The following MID1 variants were observed in gnomAD, a reference collection of about 807,000 sequenced individuals.
The protein encoded by MID1 is midline 1.
MID1 carries 7 observed loss-of-function variants against 40.4 expected under a neutral mutation model. The ratio of observed to expected loss-of-function variants is 0.17; its 90% confidence interval spans 0.10 to 0.33. The LOEUF (loss-of-function observed/expected upper bound fraction) is 0.33. Among genes scored for constraint, MID1 ranks in the 10% least tolerant of loss-of-function variants. MID1 has a pLI of 1.00. For missense variants in MID1, 367 were observed against 558.5 expected (o/e 0.66, Z 3.46); for synonymous variants, 229 against 221.2 (o/e 1.04, Z -0.31).
At chrX:10,555,239 A>G (rs1485734368) in intron 2 of MID1, among the ~76,000 whole-genome samples, 1 of 112,109 alleles carries the variant, frequency 8.9e-6, no homozygotes, top group African/African-American at 3.2e-5. Flanking sequence ...TGGAGTCTTC[A>G]TATTTTGCCC....
intron 7 of MID1, among the ~76,000 whole-genome samples, chrX:10,461,789 G>C (rs1312389461): frequency 8.9e-6 from 1 of 112,347 alleles, no homozygotes; most frequent in Non-Finnish European, 1.9e-5. Flanking sequence ...AGATTCAAAT[G>C]AGAATCGTAT....
In MID1 at chrX:10,447,224, G is replaced by A. The variant is rs1170241772; in HGVS notation, c.*2144C>T. On this transcript the variant is annotated 3_prime_UTR_variant, in exon 10 of 10. Transcript: ENST00000317552. Reference sequence around the variant, plus strand: ...AAAAATAGCCAAACATACCCTAAATGGCTTACTGTGAAAATTTGAGTAGTA... The same window carrying A: ...AAAAATAGCCAAACATACCCTAAATAGCTTACTGTGAAAATTTGAGTAGTA... 2 of 111,165 alleles carry A rather than the reference G, an allele frequency of 1.8e-5. No homozygotes were observed. The highest frequency in any genetic ancestry group is 1.9e-5 in the Non-Finnish European group (1 of 53,033). 9.2% of individuals were successfully genotyped at this position (111,165 alleles called of 1,213,427 possible). A position where few individuals can be genotyped will look rare whatever the true frequency, so the allele number is the denominator to read the frequency against.
At chrX:10,675,452 T>C (rs2043016500) in intron 1 of MID1, among the ~76,000 whole-genome samples, 1 of 111,026 alleles carries the variant, frequency 9.0e-6, no homozygotes, top group Non-Finnish European at 1.9e-5. Flanking sequence ...GAGGAAAGGC[T>C]TCTGGACTTG....
chrX:10,792,297 G>A (rs767203268), intron 1 of MID1, among the ~76,000 whole-genome samples: 1 of 111,175 alleles, frequency 9.0e-6, no homozygotes, highest in East Asian at 2.8e-4. Flanking sequence ...CTAGAAAGAA[G>A]GAAAGGAAAA....
At chrX:10,611,646 T>G (rs991713665) in intron 1 of MID1, among the ~76,000 whole-genome samples, 3 of 111,541 alleles carry the variant, frequency 2.7e-5, no homozygotes, top group African/African-American at 9.8e-5. Flanking sequence ...TAGCTCCGGA[T>G]CAAGGAGAAA....
At chrX:10,473,481 A>G (rs1419985643) in intron 6 of MID1, among the ~76,000 whole-genome samples, 1 of 112,152 alleles carries the variant, frequency 8.9e-6, no homozygotes, top group African/African-American at 3.2e-5. Flanking sequence ...GGTCCTCGCA[A>G]AGAAAAAATG....
intron 1 of MID1, among the ~76,000 whole-genome samples, chrX:10,661,556 A>C (rs1401137614): frequency 1.8e-5 from 2 of 109,961 alleles, no homozygotes; most frequent in Non-Finnish European, 3.8e-5. Context: ...CTCGTGATCC[A>C]CCCACTTCGG....
intron 3 of MID1, among the ~76,000 whole-genome samples, chrX:10,500,610 G>A (rs1044006620): frequency 1.1e-4 from 12 of 112,134 alleles, no homozygotes; most frequent in African/African-American, 3.9e-4. Context: ...AAGAATTAAC[G>A]ATTTGATTGG....
intron 8 of MID1, 71 bp downstream of exon 8, chrX:10,459,575 A>G: frequency 9.0e-7 from 1 of 1,106,407 alleles, no homozygotes; most frequent in Non-Finnish European, 1.2e-6. Context: ...AAAGGAAAAG[A>G]AAGGGGGACA....
At chrX:10,638,750 C>T (rs1157863476) in intron 1 of MID1, among the ~76,000 whole-genome samples, 2 of 112,329 alleles carry the variant, frequency 1.8e-5, no homozygotes, top group South Asian at 3.7e-4. Context: ...CTGGGAGACA[C>T]ATCCCAGTAA....
chrX:10,658,619 T>C (rs1262141357), intron 1 of MID1, among the ~76,000 whole-genome samples: 1 of 109,583 alleles, frequency 9.1e-6, no homozygotes, highest in Non-Finnish European at 1.9e-5. Context: ...ATTTAACCCA[T>C]AAAATGCCTA....
chrX:10,741,321 G>A (rs974204136), intron 1 of MID1, among the ~76,000 whole-genome samples: 1 of 111,068 alleles, frequency 9.0e-6, no homozygotes, highest in African/African-American at 3.3e-5. Context: ...AATGTTTTAG[G>A]ATCGTGAGAG....
At chrX:10,619,971 A>G (rs1935905808) in intron 1 of MID1, among the ~76,000 whole-genome samples, 1 of 111,877 alleles carries the variant, frequency 8.9e-6, no homozygotes, top group Non-Finnish European at 1.9e-5. Context: ...TACATCCTGC[A>G]CGATACATTC....
chrX:10,729,405 T>C (rs1002949780), intron 1 of MID1, among the ~76,000 whole-genome samples: 1 of 112,032 alleles, frequency 8.9e-6, no homozygotes, highest in African/African-American at 3.2e-5. Context: ...AAAGGGAAAA[T>C]ACACTGAAAA....
intron 1 of MID1, among the ~76,000 whole-genome samples, chrX:10,604,470 T>G (rs1401955064): frequency 8.9e-6 from 1 of 111,930 alleles, no homozygotes; most frequent in African/African-American, 3.2e-5. Flanking sequence ...TAGACTAGAA[T>G]TAATCAGAAG....
intron 1 of MID1, among the ~76,000 whole-genome samples, chrX:10,716,046 C>A (rs893550433): frequency 9.0e-6 from 1 of 111,313 alleles, no homozygotes; most frequent in African/African-American, 3.3e-5. Context: ...CCCATCTGTA[C>A]GTCACCATCA....
At chrX:10,766,456 C>T (rs752340082) in intron 1 of MID1, among the ~76,000 whole-genome samples, 1 of 111,890 alleles carries the variant, frequency 8.9e-6, no homozygotes, top group Admixed American at 9.5e-5. Context: ...GGGAATGTTC[C>T]ATGCAGACAC....
At chrX:10,675,263 A>T (rs2043015010) in intron 1 of MID1, among the ~76,000 whole-genome samples, 1 of 112,421 alleles carries the variant, frequency 8.9e-6, no homozygotes, top group Admixed American at 9.5e-5. Context: ...CCATCATCAG[A>T]ACTTTGCATT....
chrX:10,690,339 G>A (rs2043124655), intron 1 of MID1, among the ~76,000 whole-genome samples: 1 of 111,621 alleles, frequency 9.0e-6, no homozygotes, highest in Non-Finnish European at 1.9e-5. Context: ...TCCAAACCGG[G>A]CTAAAATGAT....
Sources: gnomAD v4.1 joint callset for allele counts (sites outside exome capture counted in the v4.1 genomes callset) on GRCh38, gnomAD v4.1.1 for gene constraint, MANE v1.5 for transcripts, NCBI Gene and HGNC (gene_info 2026-07-23, HGNC 2026-07-21) for gene names.